The following TRIM61 variants were observed in gnomAD, a reference collection of about 807,000 sequenced individuals.
TRIM61 encodes the protein putative tripartite motif-containing protein 61.
Under a neutral mutation model 14.2 loss-of-function variants are expected in TRIM61, and 1 was observed. The observed-to-expected ratio is 0.07, with a 90% CI of 0.03 to 0.33. The LOEUF (loss-of-function observed/expected upper bound fraction) is 0.33. TRIM61 is among the 10% of genes least tolerant of loss of function. The pLI is 0.99. For synonymous variants in TRIM61, 8 were observed against 71.6 expected (o/e 0.11, Z 4.49); for missense variants, 19 against 202.2 (o/e 0.09, Z 5.49).
At chr4:164,960,107 A>C (rs59095513) in intron 3 of TRIM61, among the ~76,000 whole-genome samples, 1 of 152,162 alleles carries the variant, frequency 6.6e-6, no homozygotes, top group Non-Finnish European at 1.5e-5. Context: ...TGATGCATCT[A>C]CTAGCCAAGG....
chr4:164,960,621 G>T (rs1343955725), intron 3 of TRIM61, among the ~76,000 whole-genome samples: 2 of 151,736 alleles, frequency 1.3e-5, no homozygotes, highest in African/African-American at 4.8e-5. Context: ...CCATATTAGG[G>T]TATTCCCTAT....
intron 2 of TRIM61, among the ~76,000 whole-genome samples, 169 bp from the exon 3 acceptor site, chr4:164,970,508 A>C (rs555099667): frequency 6.6e-6 from 1 of 151,950 alleles, no homozygotes; most frequent in East Asian, 1.9e-4. Flanking sequence ...AAAAAAAAAA[A>C]ACTAAAAAAT....
rs1238874561 is a variant in TRIM61, at chr4:164,969,834, G to A, written c.169C>T (p.His57Tyr). The A allele has an allele frequency of 6.2e-7, 1 of 1,614,004 alleles. No homozygotes were observed. Among genetic ancestry groups the A allele is most frequent in the East Asian group, 2.2e-5 (1 of 44,892 alleles). ...AATTTCCTTTCTGGACAGCAAAAGT[G>A]GCAAAAGGGGCAGGGGAAACTATCA... is the stretch of plus-strand genomic sequence containing the variant. Residue 57 changes from histidine (H) to tyrosine (Y), a missense_variant, in exon 3 of 5, where the codon CAC becomes TAC. Physicochemically the swap from His to Tyr is moderately conservative, Grantham distance 83. Coordinates refer to ENST00000329314, the MANE Select transcript of TRIM61 (RefSeq NM_001012414.3).
rs186347135 is a variant in TRIM61, at chr4:164,957,158, C to G, written c.526-2062G>C. 25 of 1,611,262 alleles carry G rather than the reference C, an allele frequency of 1.6e-5. No individual in the cohort carries two copies. In the East Asian group the frequency reaches 5.1e-4, roughly 33 times the overall value. ...CAGGGCTTCGGGTCTCCCTAACAGA[C>G]CTTATACGCTGACCGGCGGCCGCCA... On this transcript the variant is annotated intron_variant, in intron 3 of 4. Transcript: ENST00000329314.
At chr4:164,975,819 G>T (rs1188044065) in intron 2 of TRIM61, among the ~76,000 whole-genome samples, 9 of 152,168 alleles carry the variant, frequency 5.9e-5, no homozygotes, top group African/African-American at 1.9e-4. Context: ...GGTCTGTGCT[G>T]AGGTGAATTA....
intron 3 of TRIM61, among the ~76,000 whole-genome samples, chr4:164,955,533 C>T (rs1367220169): frequency 7.6e-6 from 1 of 130,786 alleles, no homozygotes; most frequent in Non-Finnish European, 1.5e-5. Context: ...CTTGCCACTG[C>T]AGTCCAGCCT....
chr4:164,967,565 T>A lies in TRIM61; in HGVS notation c.525+1913A>T, dbSNP rs925135900. ...CAGAACAGGTTATCTACCGGTTGTG[T>A]ATGTACAGTATGTGTGTGTGTGGCA... is the stretch of plus-strand genomic sequence containing the variant. On this transcript the variant is annotated intron_variant, in intron 3 of 4. Coordinates refer to ENST00000329314, the MANE Select transcript of TRIM61 (RefSeq NM_001012414.3). Among the ~76,000 whole-genome samples the A allele has an allele frequency of 3.9e-5, 6 of 152,140 alleles. No individual in the cohort carries two copies. The South Asian group carries it at 1.2e-3, about 32-fold the overall frequency.
At chr4:164,962,221 C>CTT (rs10712896) in intron 3 of TRIM61, among the ~76,000 whole-genome samples, 14 of 128,890 alleles carry the variant, frequency 1.1e-4, no homozygotes, top group Admixed American at 2.4e-4. Flanking sequence ...ATAGTTACTT[C>CTT]TTTTTTTTTT....
At chr4:164,973,357 C>T (rs919262870) in intron 2 of TRIM61, among the ~76,000 whole-genome samples, 14 of 152,226 alleles carry the variant, frequency 9.2e-5, no homozygotes, top group African/African-American at 3.4e-4. Context: ...ACTGCTCCTT[C>T]TTTACACTCG....
At chr4:164,967,393 G>A (rs1249672031) in intron 3 of TRIM61, among the ~76,000 whole-genome samples, 1 of 152,184 alleles carries the variant, frequency 6.6e-6, no homozygotes, top group African/African-American at 2.4e-5. Context: ...TCTATTGAAA[G>A]ATGTTAATTC....
chr4:164,967,247 AT>A (rs2111143537), intron 3 of TRIM61, among the ~76,000 whole-genome samples: 1 of 152,374 alleles, frequency 6.6e-6, no homozygotes, highest in African/African-American at 2.4e-5. Context: ...ATAAAAATTC[AT>A]TGAATAGATT....
Position 164,968,508 on chromosome 4 carries a change from C to T in TRIM61, c.525+970G>A, listed in dbSNP as rs991614201. The T allele has an allele frequency of 1.0e-5, 10 of 985,444 alleles. No individual in the cohort carries two copies. In the Admixed American group the frequency reaches 3.1e-4, roughly 30 times the overall value. 61.0% of individuals were successfully genotyped at this position (985,444 alleles called of 1,614,324 possible). On this transcript the variant is annotated intron_variant, in intron 3 of 4. Coordinates refer to ENST00000329314, the MANE Select transcript of TRIM61 (RefSeq NM_001012414.3). ...TTGCTTTCTTATGGGAAAAACTGGA[C>T]AAAATACAGAATAGCCAAAACTAGA... is the stretch of plus-strand genomic sequence containing the variant.
intron 3 of TRIM61, chr4:164,957,195 CTT>C (rs1732020898): frequency 3.7e-6 from 6 of 1,613,712 alleles, no homozygotes; most frequent in Middle Eastern, 1.6e-4. Context: ...GGCAGTGTCT[CTT>C]TGCTCAGACA....
At chr4:164,960,212 A>G (rs1377709398) in intron 3 of TRIM61, among the ~76,000 whole-genome samples, 4 of 152,118 alleles carry the variant, frequency 2.6e-5, no homozygotes, top group Non-Finnish European at 5.9e-5. Context: ...GCCAACACTC[A>G]TAATTTGGAC....
chr4:164,972,230 C>T (rs78054955), intron 2 of TRIM61, among the ~76,000 whole-genome samples: 2,655 of 152,212 alleles, frequency 0.017, 79 homozygotes, highest in African/African-American at 0.061. Context: ...TTTAGAAAAT[C>T]GATGTGTCTT....
intron 3 of TRIM61, among the ~76,000 whole-genome samples, chr4:164,964,255 A>G (rs1732193181): frequency 6.6e-6 from 1 of 151,260 alleles, no homozygotes; most frequent in Admixed American, 6.6e-5. Context: ...GGCTGAGGCA[A>G]GAGAATGGCA....
At position 164,970,290 on chromosome 4, in the gene TRIM61, T is replaced by G. The variant is rs1732334015; in HGVS notation, c.-288A>C. ...GCTCTTCCCACTAAATGAAATAAAG[T>G]CAAGTTTTCTTCAAGAAAGCAGCCT... On this transcript the variant is annotated 5_prime_UTR_variant, in exon 3 of 5. It removes the in-frame stop codon of an upstream open reading frame in the 5' UTR. Coordinates refer to ENST00000329314, the MANE Select transcript of TRIM61 (RefSeq NM_001012414.3). 3.2e-6 allele frequency: 1 copy of G among 316,100 alleles called. No individual in the cohort carries two copies. The highest frequency in any genetic ancestry group is 5.8e-6 in the Non-Finnish European group (1 of 173,024). 19.6% of individuals were successfully genotyped at this position (316,100 alleles called of 1,614,324 possible).
chr4:164,976,102 CAT>C (rs1732475963), intron 2 of TRIM61, among the ~76,000 whole-genome samples: 1 of 152,170 alleles, frequency 6.6e-6, no homozygotes, highest in South Asian at 2.1e-4. Context: ...TTAATTATGA[CAT>C]AGATTCTATT....
intron 2 of TRIM61, among the ~76,000 whole-genome samples, chr4:164,974,171 A>G (rs1043320140): frequency 3.3e-5 from 5 of 152,240 alleles, no homozygotes; most frequent in Non-Finnish European, 7.3e-5. Flanking sequence ...CTCTGTCTCA[A>G]AAAAGCAGCA....
Sources: allele counts gnomAD v4.1 joint callset (sites outside exome capture counted in the v4.1 genomes callset), GRCh38; gene constraint gnomAD v4.1.1; transcripts MANE v1.5; gene names NCBI Gene and HGNC (gene_info 2026-07-23, HGNC 2026-07-21).